The following CSF1R variants were observed in gnomAD, a reference collection of about 807,000 sequenced individuals.
CSF1R encodes the protein macrophage colony-stimulating factor 1 receptor.
A neutral mutation model predicts 110.0 loss-of-function variants in CSF1R; 40 were observed. That is an observed-to-expected ratio of 0.36 (90% CI 0.28 to 0.47). CSF1R has a LOEUF of 0.47. CSF1R is among the 20% of genes least tolerant of loss of function. The probability of loss-of-function intolerance (pLI) is 0.99; values close to 1 mark genes in which losing one functional copy is unlikely to be tolerated. For missense variants in CSF1R, 1,052 were observed against 1,253.0 expected (o/e 0.84, Z 2.42); for synonymous variants, 523 against 503.4 (o/e 1.04, Z -0.52).
chr5:150,066,492 C>A (rs1348709002), intron 10 of CSF1R, among the ~76,000 whole-genome samples: 13 of 152,154 alleles, frequency 8.5e-5, no homozygotes, highest in African/African-American at 3.1e-4. Context: ...AACACCCAGA[C>A]CCATGGTATA....
At chr5:150,111,474 ATGAG>A (rs767992865) in intron 1 of CSF1R, among the ~76,000 whole-genome samples, 4 of 152,218 alleles carry the variant, frequency 2.6e-5, no homozygotes, top group Non-Finnish European at 5.9e-5. Context: ...CCTCCCACAA[ATGAG>A]TTTTTATTAT....
At chr5:150,108,346 G>A (rs1198732108) in intron 1 of CSF1R, among the ~76,000 whole-genome samples, 7 of 152,276 alleles carry the variant, frequency 4.6e-5, no homozygotes, top group South Asian at 2.1e-4. Flanking sequence ...GGTGGTGACG[G>A]TAGCACCAAA....
intron 5 of CSF1R, among the ~76,000 whole-genome samples, chr5:150,076,623 C>T (rs1758278653): frequency 6.6e-6 from 1 of 152,184 alleles, no homozygotes; most frequent in Admixed American, 6.5e-5. Context: ...CACTTTAAGA[C>T]ACCTTTACCT....
At chr5:150,071,736 G>A (rs1758041098) in intron 6 of CSF1R, among the ~76,000 whole-genome samples, 1 of 152,038 alleles carries the variant, frequency 6.6e-6, no homozygotes, top group African/African-American at 2.4e-5. Context: ...TGTGGCTTAT[G>A]GACCCATTAA....
At chr5:150,057,012 C>G (rs962727128) in intron 16 of CSF1R, among the ~76,000 whole-genome samples, 10 of 152,138 alleles carry the variant, frequency 6.6e-5, no homozygotes, top group African/African-American at 2.2e-4. Flanking sequence ...CAACTGTTGT[C>G]TCTCATACAC....
At chr5:150,096,009 A>G (rs1435901984) in intron 1 of CSF1R, among the ~76,000 whole-genome samples, 1 of 152,248 alleles carries the variant, frequency 6.6e-6, no homozygotes, top group Non-Finnish European at 1.5e-5. Flanking sequence ...CTAAACTTGT[A>G]GTTAAAAACC....
At chr5:150,057,669 C>T (rs1757293498) in intron 14 of CSF1R, 77 bp from the exon 15 acceptor site, 10 of 1,060,876 alleles carry the variant, frequency 9.4e-6, no homozygotes, top group South Asian at 2.6e-5. Context: ...TGACCACCCA[C>T]CACCCCATGG....
chr5:150,111,207 G>A (rs1328884311), intron 1 of CSF1R, among the ~76,000 whole-genome samples: 1 of 152,228 alleles, frequency 6.6e-6, no homozygotes, highest in Non-Finnish European at 1.5e-5. Flanking sequence ...ATCAGCTGCA[G>A]GTCAGGGCCC....
chr5:150,068,124 G>C lies in CSF1R; in HGVS notation c.1626+91C>G, dbSNP rs114768443. 292 of 942,830 alleles carry C rather than the reference G, an allele frequency of 3.1e-4. 1 individual carries two copies. In the African/African-American group the frequency reaches 4.3e-3, roughly 14 times the overall value. The allele number at this position is 942,830 out of a possible 1,614,324, so 58.4% of individuals were successfully genotyped here. On this transcript the variant is annotated intron_variant, in intron 10 of 20. Transcript: ENST00000675795. ...AGCTGTTAGCTGATGGACTGACTGA[G>C]GAGGAGGAAGGGTGAATCCATGCAG...
chr5:150,089,047 C>T (rs1758954171), upstream of CSF1R, among the ~76,000 whole-genome samples: 1 of 152,104 alleles, frequency 6.6e-6, no homozygotes, highest in Non-Finnish European at 1.5e-5. Flanking sequence ...AAAACCCACC[C>T]AACAAACTAG....
chr5:150,089,710 A>G (rs1214454198), upstream of CSF1R, among the ~76,000 whole-genome samples: 1 of 152,230 alleles, frequency 6.6e-6, no homozygotes, highest in East Asian at 1.9e-4. Flanking sequence ...TCAAATTCAT[A>G]TGGAATCTCG....
chr5:150,059,648 C>G, intron 14 of CSF1R, 52 bp downstream of exon 14: 1 of 1,596,666 alleles, frequency 6.3e-7, no homozygotes, highest in Non-Finnish European at 8.6e-7. Flanking sequence ...AAGACAGACT[C>G]GGATCCTGCC....
intron 1 of CSF1R, among the ~76,000 whole-genome samples, chr5:150,100,525 G>T (rs1293822833): frequency 2.0e-5 from 3 of 151,822 alleles, no homozygotes; most frequent in African/African-American, 7.3e-5. Context: ...TTTTTTAAAA[G>T]TACTGTTCAT....
intron 9 of CSF1R, among the ~76,000 whole-genome samples, 159 bp from the exon 10 acceptor site, chr5:150,068,489 C>A (rs558682700): frequency 9.5e-4 from 144 of 152,326 alleles, no homozygotes; most frequent in Middle Eastern, 3.4e-3. Flanking sequence ...CTCCTGCACA[C>A]CCTCCCCGAG....
chr5:150,080,616 G>T lies in CSF1R; in HGVS notation c.307+151C>A, dbSNP rs551296112. 17 of 1,036,218 alleles carry T rather than the reference G, an allele frequency of 1.6e-5. No individual in the cohort carries two copies. In the East Asian group the frequency reaches 3.9e-4, roughly 24 times the overall value. 64.2% of individuals were successfully genotyped at this position (1,036,218 alleles called of 1,614,324 possible). On this transcript the variant is annotated intron_variant, in intron 2 of 20. Transcript: ENST00000675795. ...ACCCGACTTGCAGGGTTGTTGTGAG[G>T]ACTGCATTACATTAGCAGCTCTTCC...
At chr5:150,105,461 C>T (rs1201864358) in intron 1 of CSF1R, among the ~76,000 whole-genome samples, 1 of 149,532 alleles carries the variant, frequency 6.7e-6, no homozygotes, top group African/African-American at 2.5e-5. Context: ...AGTGATCTGC[C>T]CGTTTTGGCT....
At position 150,059,768 on chromosome 5, in the gene CSF1R, G is replaced by A. The variant is rs374465388; in HGVS notation, c.2064C>T (p.Ser688=). The A allele has an allele frequency of 3.1e-6, 5 of 1,613,986 alleles. No individual in the cohort carries two copies. The highest frequency in any genetic ancestry group is 1.6e-4 in the Middle Eastern group (1 of 6,084). Residue 688 remains serine, a synonymous_variant, in exon 14 of 21, where the codon AGC becomes AGT. Transcript: ENST00000675795. Reference sequence around the variant, plus strand: ...CGCCTCCCTCGGGGTCCTGGCCGGGGCTCAGGCTGGGTCCCAGCATGGCCT... The same window carrying A: ...CGCCTCCCTCGGGGTCCTGGCCGGGACTCAGGCTGGGTCCCAGCATGGCCT... ...KAEAMLGPSL[S]PGQDPEGGVD...
In CSF1R at chr5:150,079,716, C is replaced by T. The variant is rs185571369; in HGVS notation, c.592+336G>A. ...CACCTTCTTCATGTCATTCAGATTTCCGCTCTAATAAAGTGTTTCCTTCTC... is the reference window on the plus strand; with the variant it reads ...CACCTTCTTCATGTCATTCAGATTTTCGCTCTAATAAAGTGTTTCCTTCTC... On this transcript the variant is annotated intron_variant, in intron 3 of 20. Transcript: ENST00000675795. Among the ~76,000 whole-genome samples the T allele has an allele frequency of 2.0e-3, 302 of 152,330 alleles. 1 individual carries two copies. The highest frequency in any genetic ancestry group is 5.6e-3 in the Admixed American group (86 of 15,300).
At chr5:150,077,154 A>T in intron 5 of CSF1R, 122 bp downstream of exon 5, 1 of 1,339,780 alleles carries the variant, frequency 7.5e-7, no homozygotes, top group Non-Finnish European at 1.1e-6. Context: ...TTGGATAAAC[A>T]AACTCCAGCA....
Sources: gnomAD v4.1 joint callset for allele counts (sites outside exome capture counted in the v4.1 genomes callset) on GRCh38, gnomAD v4.1.1 for gene constraint, MANE v1.5 for transcripts, NCBI Gene and HGNC (gene_info 2026-07-23, HGNC 2026-07-21) for gene names.